CTTNBP2: variants seen among roughly 807,000 people sequenced by gnomAD.
CTTNBP2 encodes cortactin binding protein 2.
CTTNBP2 carries 108 observed loss-of-function variants against 156.9 expected under a neutral mutation model. The ratio of observed to expected loss-of-function variants is 0.69; its 90% CI spans 0.59 to 0.81. The LOEUF is 0.81. CTTNBP2 is among the 30% of genes least tolerant of loss of function. CTTNBP2 has a pLI of 0.00. For synonymous variants in CTTNBP2, 767 were observed against 751.8 expected, an observed-to-expected ratio of 1.02 and a Z score of -0.33; for missense variants, 1,924 against 2,035.4, an observed-to-expected ratio of 0.95 and a Z score of 1.05.
chr7:117,721,831 G>A (rs1376849086), intron 19 of CTTNBP2, among the ~76,000 whole-genome samples: 1 of 152,188 alleles, frequency 6.6e-6, no homozygotes, highest in Non-Finnish European at 1.5e-5. Flanking sequence ...AGATCATGGT[G>A]TAAAATGTAT....
rs151031633 is a variant in CTTNBP2, at chr7:117,720,282, G to A, written c.4512-646C>T. ...AGTGACAGGGCACACAATTTATTGG[G>A]CTATCATGGGGACCTATTTACAAAC... On this transcript the variant is annotated intron_variant, in intron 20 of 22. Transcript: ENST00000160373. 6.6e-4 allele frequency among the ~76,000 whole-genome samples: 101 copies of A among 152,208 alleles called. No homozygotes were observed. The East Asian group carries it at 7.9e-3, about 12-fold the overall frequency.
chr7:117,722,977 C>T (rs537472127), intron 19 of CTTNBP2, among the ~76,000 whole-genome samples: 14 of 152,134 alleles, frequency 9.2e-5, no homozygotes, highest in Non-Finnish European at 1.9e-4. Context: ...AGCTTTCTTG[C>T]ATACTGAAAG....
chr7:117,773,648 AACACACACACACACACACACACACAC>A (rs71528190), intron 8 of CTTNBP2, among the ~76,000 whole-genome samples: 30 of 95,132 alleles, frequency 3.2e-4, no homozygotes, highest in African/African-American at 9.6e-4. Flanking sequence ...GCTTAGAGTT[AACACACACACACACACACACACACAC>A]ACACACACAC....
chr7:117,835,552 T>C (rs972226979), intron 2 of CTTNBP2, among the ~76,000 whole-genome samples: 7 of 152,258 alleles, frequency 4.6e-5, no homozygotes, highest in Admixed American at 1.3e-4. Flanking sequence ...CTAGTCACTT[T>C]CCTTTTTCTG....
chr7:117,760,233 T>TG, intron 10 of CTTNBP2: 1 of 572,562 alleles, frequency 1.7e-6, no homozygotes, highest in Non-Finnish European at 3.1e-6. Flanking sequence ...GAGTATTATT[T>TG]GGGGCATAAA....
chr7:117,828,024 G>C lies in CTTNBP2; in HGVS notation c.190-17035C>G, dbSNP rs186966445. Among the ~76,000 whole-genome samples the C allele has an allele frequency of 2.4e-4, 37 of 152,232 alleles. No individual in the cohort carries two copies. The East Asian group carries it at 6.8e-3, about 28-fold the overall frequency. Reference sequence around the variant, plus strand: ...ACTCGCCAACTGCATGAACCACTGAGCATCTGGAAAAAATAAACAGAAAGA... The same window carrying C: ...ACTCGCCAACTGCATGAACCACTGACCATCTGGAAAAAATAAACAGAAAGA... On this transcript the variant is annotated intron_variant, in intron 2 of 22. Transcript: ENST00000160373.
At chr7:117,767,255 C>T in intron 8 of CTTNBP2, 79 bp from the exon 9 acceptor site, 1 of 799,278 alleles carries the variant, frequency 1.3e-6, no homozygotes. Flanking sequence ...AAGCCAGTTG[C>T]CTATAACAAT....
At chr7:117,748,034 A>G (rs1287176778) in intron 12 of CTTNBP2, among the ~76,000 whole-genome samples, 1 of 150,206 alleles carries the variant, frequency 6.7e-6, no homozygotes, top group Non-Finnish European at 1.5e-5. Context: ...CCTTCAATAA[A>G]AGGCTTACGG....
In CTTNBP2 at chr7:117,756,518, G is replaced by A. The variant is rs759564381; in HGVS notation, c.3348+37C>T. The A allele has an allele frequency of 4.6e-6, 7 of 1,517,840 alleles. No homozygotes were observed. In the Admixed American group the frequency reaches 8.4e-5, roughly 18 times the overall value. 94.0% of individuals were successfully genotyped at this position (1,517,840 alleles called of 1,614,324 possible). On this transcript the variant is annotated intron_variant, in intron 12 of 22. Coordinates refer to ENST00000160373, the MANE Select transcript of CTTNBP2 (RefSeq NM_033427.3). ...CACCCAATTTTCCAGTGGCAGGGAT[G>A]GAAAACACAGGTCTCCACCCAGCAG...
chr7:117,768,095 A>G (rs1402369649), intron 8 of CTTNBP2, among the ~76,000 whole-genome samples: 1 of 148,558 alleles, frequency 6.7e-6, no homozygotes, highest in African/African-American at 2.5e-5. Context: ...GTAAATGCAC[A>G]CACACACACA....
intron 1 of CTTNBP2, among the ~76,000 whole-genome samples, chr7:117,863,017 T>C (rs1001342557): frequency 2.0e-5 from 3 of 152,238 alleles, no homozygotes; most frequent in African/African-American, 7.2e-5. Flanking sequence ...ACATGAACAC[T>C]GGTCTATTTC....
intron 2 of CTTNBP2, among the ~76,000 whole-genome samples, chr7:117,830,386 C>A (rs998858817): frequency 6.6e-6 from 1 of 152,052 alleles, no homozygotes; most frequent in East Asian, 1.9e-4. Context: ...CTCCTAAGGT[C>A]AAAAAATTCA....
chr7:117,825,282 G>A (rs1026634479), intron 2 of CTTNBP2, among the ~76,000 whole-genome samples: 4 of 152,284 alleles, frequency 2.6e-5, no homozygotes, highest in Non-Finnish European at 4.4e-5. Flanking sequence ...GTCTCTCATC[G>A]TCTGTCCTTG....
chr7:117,827,221 T>C (rs1211736396), intron 2 of CTTNBP2, among the ~76,000 whole-genome samples: 13 of 152,190 alleles, frequency 8.5e-5, no homozygotes, highest in African/African-American at 2.9e-4. Context: ...GGGTTTGATA[T>C]TGTCCAAAGA....
rs143683945 is a variant in CTTNBP2 at position 117,784,416 on chromosome 7, C to T, written c.2107G>A (p.Gly703Ser). ...PSLTPLLMSGGPAPLAGRPTL... is the reference protein window; with the variant it reads ...PSLTPLLMSGSPAPLAGRPTL... ...GGCCTGCCAGCCAGGGGGGCAGGAC[C>T]ACCACTCATTAGCAAAGGGGTTAGG... The change falls in exon 5 of 23, where the codon GGT (glycine) becomes AGT (serine). Residue 703 changes from glycine (G) to serine (S), a missense_variant. Coordinates refer to ENST00000160373, the MANE Select transcript of CTTNBP2 (RefSeq NM_033427.3). 1.2e-6 allele frequency: 2 copies of T among 1,610,258 alleles called. No individual in the cohort carries two copies. The highest frequency in any genetic ancestry group is 1.7e-6 in the Non-Finnish European group (2 of 1,178,806).
At chr7:117,745,753 C>T (rs1584935421) in intron 14 of CTTNBP2, 78 bp downstream of exon 14, 2 of 929,002 alleles carry the variant, frequency 2.2e-6, no homozygotes, top group South Asian at 2.9e-5. Flanking sequence ...CCAAGCAACA[C>T]AGTGTATTTT....
rs567779538 is a variant in CTTNBP2, at chr7:117,748,564, G to C, written c.3349-2465C>G. Among the ~76,000 whole-genome samples, 42 of 152,158 alleles carry C rather than the reference G, an allele frequency of 2.8e-4. 1 individual carries two copies. Among genetic ancestry groups the C allele is most frequent in the Admixed American group, 1.2e-3 (19 of 15,284 alleles). On this transcript the variant is annotated intron_variant, in intron 12 of 22. Transcript: ENST00000160373. ...CTTGCACAACACGCAAAATATTCAC[G>C]ATCTCACTTCTGTTCTCTATAGTCA... is the stretch of plus-strand genomic sequence containing the variant.
intron 6 of CTTNBP2, among the ~76,000 whole-genome samples, chr7:117,782,659 T>C (rs781373016): frequency 8.5e-5 from 13 of 152,214 alleles, no homozygotes; most frequent in Non-Finnish European, 1.5e-4. Context: ...AGTTCTCTTC[T>C]TCACTTCCCT....
rs909185408 is a variant in CTTNBP2 at position 117,756,641 on chromosome 7, G to A, written c.3269-7C>T. 1 of 1,596,892 alleles carries A rather than the reference G, an allele frequency of 6.3e-7. No homozygotes were observed. Reference sequence around the variant, plus strand: ...AGACAGCCTTCTTGAGGACCTGTAGGAAAGGACAGACGAAGAAAAATGGGT... The same window carrying A: ...AGACAGCCTTCTTGAGGACCTGTAGAAAAGGACAGACGAAGAAAAATGGGT... On this transcript the variant is annotated splice_polypyrimidine_tract_variant and splice_region_variant and intron_variant, in intron 11 of 22. Transcript: ENST00000160373.
Sources: allele counts gnomAD v4.1 joint callset (sites outside exome capture counted in the v4.1 genomes callset), GRCh38; gene constraint gnomAD v4.1.1; transcripts MANE v1.5; gene names NCBI Gene and HGNC (gene_info 2026-07-23, HGNC 2026-07-21).